Variants in ZNF678 observed in about 807,000 individuals in gnomAD.
ZNF678 encodes the protein zinc finger protein 678, also known as hypothetical protein MGC42493.
Under a neutral mutation model 3.0 loss-of-function variants are expected in ZNF678, and 5 were observed. That is an observed-to-expected ratio of 1.69 (90% CI 0.88 to 3.56). The LOEUF (loss-of-function observed/expected upper bound fraction) is 3.56. ZNF678 is among the 30% of genes most tolerant of loss of function. The pLI is 0.00. For synonymous variants in ZNF678, 218 were observed against 199.6 expected (o/e 1.09, Z -0.78); for missense variants, 593 against 605.0 (o/e 0.98, Z 0.21).
At chr1:227,607,047 T>G (rs1657889887) in intron 1 of ZNF678, among the ~76,000 whole-genome samples, 1 of 152,238 alleles carries the variant, frequency 6.6e-6, no homozygotes, top group Admixed American at 6.5e-5. Context: ...GGGTTGATAT[T>G]AATTCTCCAA....
intron 3 of ZNF678, 34 bp downstream of exon 3, chr1:227,651,110 A>G: frequency 6.2e-7 from 1 of 1,606,368 alleles, no homozygotes; most frequent in Non-Finnish European, 8.5e-7. Context: ...CTCCAGGCTG[A>G]TGAGATCTTT....
intron 1 of ZNF678, among the ~76,000 whole-genome samples, chr1:227,593,862 C>CGT (rs1558136322): frequency 2.9e-5 from 2 of 68,956 alleles, no homozygotes; most frequent in Non-Finnish European, 5.0e-5. Context: ...CCATCCCCCC[C>CGT]CCCCCTTTTT....
At chr1:227,646,504 G>A (rs753260391) in intron 1 of ZNF678, 40 bp from the exon 2 acceptor site, 8 of 1,352,134 alleles carry the variant, frequency 5.9e-6, no homozygotes, top group Admixed American at 2.0e-5. Flanking sequence ...TCTGCCCATG[G>A]CACATTTTGT....
At position 227,607,949 on chromosome 1, in the gene ZNF678, CA is replaced by C. The variant is rs542041013; in HGVS notation, c.-163-38592del. ...TAGTATATAGGAAAAATTGACACAA[CA>C]AATGTTAACTAACTTTATTAGAAAC... is the stretch of plus-strand genomic sequence containing the variant. On this transcript the variant is annotated intron_variant, in intron 1 of 3. Transcript: ENST00000343776. Among the ~76,000 whole-genome samples, 440 of 151,304 alleles carry C rather than the reference CA, an allele frequency of 2.9e-3. 5 individuals carry two copies. The highest frequency in any genetic ancestry group is 0.01 in the African/African-American group (418 of 41,380).
intron 1 of ZNF678, among the ~76,000 whole-genome samples, chr1:227,592,224 C>T (rs1240246320): frequency 6.6e-6 from 1 of 152,190 alleles, no homozygotes; most frequent in Non-Finnish European, 1.5e-5. Context: ...GCTTTGGTAT[C>T]TAGTTAGTCT....
intron 1 of ZNF678, among the ~76,000 whole-genome samples, chr1:227,644,145 G>A (rs1042928690): frequency 6.6e-6 from 1 of 152,074 alleles, no homozygotes; most frequent in East Asian, 1.9e-4. Flanking sequence ...GATTACAGGC[G>A]TGAGCCACCA....
chr1:227,639,067 T>G (rs1299688508), intron 1 of ZNF678, among the ~76,000 whole-genome samples: 1 of 152,174 alleles, frequency 6.6e-6, no homozygotes, highest in African/African-American at 2.4e-5. Context: ...GGTTTTGGCC[T>G]GCTCGGGAAG....
chr1:227,671,846 A>T (rs1308798819), intron 5 of ZNF678, among the ~76,000 whole-genome samples: 1 of 152,230 alleles, frequency 6.6e-6, no homozygotes, highest in Non-Finnish European at 1.5e-5. Context: ...CAAGGAGCTT[A>T]TCACTTAATG....
At chr1:227,584,737 G>A (rs1657214829) in intron 1 of ZNF678, among the ~76,000 whole-genome samples, 1 of 152,168 alleles carries the variant, frequency 6.6e-6, no homozygotes, top group Non-Finnish European at 1.5e-5. Flanking sequence ...AAGGGTTGAT[G>A]GGTGAAAACT....
intron 1 of ZNF678, among the ~76,000 whole-genome samples, chr1:227,583,247 T>A (rs1657175445): frequency 6.6e-6 from 1 of 152,134 alleles, no homozygotes; most frequent in Non-Finnish European, 1.5e-5. Flanking sequence ...AGGCAACAAA[T>A]ATTATATTTA....
intron 5 of ZNF678, among the ~76,000 whole-genome samples, chr1:227,669,554 C>T (rs1346264736): frequency 6.6e-6 from 1 of 151,226 alleles, no homozygotes; most frequent in Non-Finnish European, 1.5e-5. Context: ...GAGGCTGAGG[C>T]AGGAGAATGG....
intron 1 of ZNF678, among the ~76,000 whole-genome samples, chr1:227,593,091 A>G (rs1315588365): frequency 6.6e-6 from 1 of 152,222 alleles, no homozygotes; most frequent in South Asian, 2.1e-4. Context: ...GCCGGACTTC[A>G]GGATATGGCA....
At chr1:227,584,281 A>G (rs1398322497) in intron 1 of ZNF678, among the ~76,000 whole-genome samples, 3 of 152,216 alleles carry the variant, frequency 2.0e-5, no homozygotes, top group African/African-American at 7.2e-5. Context: ...AGGCATGAAA[A>G]TGTTCAAGGC....
chr1:227,563,802 C>T, intron 1 of ZNF678, 78 bp downstream of exon 1: 1 of 1,258,334 alleles, frequency 7.9e-7, no homozygotes, highest in South Asian at 1.2e-5. Flanking sequence ...GGCCCGGAGT[C>T]CCGGCTGGCA....
intron 5 of ZNF678, among the ~76,000 whole-genome samples, chr1:227,672,059 TA>T (rs919099125): frequency 2.6e-5 from 4 of 151,732 alleles, no homozygotes; most frequent in Admixed American, 6.6e-5. Context: ...TAGAATGGAG[TA>T]AAAAGTGTAC....
Position 227,655,600 on chromosome 1 carries a change from G to T in ZNF678, c.1350G>T (p.Lys450Asn). 1 of 1,602,866 alleles carries T rather than the reference G, an allele frequency of 6.2e-7. No individual in the cohort carries two copies. The highest frequency in any genetic ancestry group is 1.4e-5 in the African/African-American group (1 of 74,000). Residue 450 changes from lysine (K) to asparagine (N), a missense_variant, in exon 4 of 4, where the codon AAG (lysine) becomes AAT (asparagine). Lys to Asn is a moderately conservative substitution (Grantham distance 94). Transcript: ENST00000343776. ...KAFYQSSILS[K>N]HKRIHTEEKP... Reference sequence around the variant, plus strand: ...TTTACCAATCCTCAATCCTTAGTAAGCATAAGAGAATTCATACTGAAGAGA... The same window carrying T: ...TTTACCAATCCTCAATCCTTAGTAATCATAAGAGAATTCATACTGAAGAGA...
chr1:227,645,154 T>C (rs1271115432), intron 1 of ZNF678, among the ~76,000 whole-genome samples: 1 of 152,050 alleles, frequency 6.6e-6, no homozygotes, highest in Non-Finnish European at 1.5e-5. Context: ...AACAGGAGAG[T>C]AGCTTTTTCT....
chr1:227,673,893 C>T (rs1051650958), intron 5 of ZNF678, among the ~76,000 whole-genome samples: 2 of 152,068 alleles, frequency 1.3e-5, no homozygotes, highest in Non-Finnish European at 2.9e-5. Flanking sequence ...ATTATAAAGG[C>T]TTTTATTCAT....
intron 1 of ZNF678, among the ~76,000 whole-genome samples, chr1:227,566,164 C>T (rs1314766616): frequency 6.6e-6 from 1 of 152,162 alleles, no homozygotes; most frequent in African/African-American, 2.4e-5. Context: ...AATTTTGGTT[C>T]CTGGGTTTTT....
Sources: gnomAD v4.1 joint callset for allele counts (sites outside exome capture counted in the v4.1 genomes callset) on GRCh38, gnomAD v4.1.1 for gene constraint, MANE v1.5 for transcripts, NCBI Gene and HGNC (gene_info 2026-07-23, HGNC 2026-07-21) for gene names.